The following CFAP47 variants were observed in gnomAD, a reference collection of about 807,000 sequenced individuals.
CFAP47 encodes the protein cilia and flagella associated protein 47.
CFAP47 carries 29 observed loss-of-function variants against 148.1 expected under a neutral mutation model. The ratio of observed to expected loss-of-function variants is 0.20; its 90% CI spans 0.15 to 0.27. The LOEUF is 0.27. Ranked by LOEUF, CFAP47 falls within the 10% of genes least tolerant of loss-of-function variation. The pLI is 1.00. For missense variants in CFAP47, 1,872 were observed against 1,697.5 expected (o/e 1.10, Z -1.81); for synonymous variants, 664 against 577.3 (o/e 1.15, Z -2.15).
chrX:35,980,610 T>G (rs773071681), intron 15 of CFAP47, among the ~76,000 whole-genome samples: 1 of 111,856 alleles, frequency 8.9e-6, no homozygotes, highest in South Asian at 3.7e-4. Flanking sequence ...TTATTTTTTT[T>G]TACCCTTTAT....
chrX:35,937,104 GTTTTTTTTTTTT>G lies in CFAP47; in HGVS notation c.402-4161_402-4150del, dbSNP rs377601530. Among the ~76,000 whole-genome samples, 309 of 55,538 alleles carry G rather than the reference GTTTTTTTTTTTT, an allele frequency of 5.6e-3. 2 individuals carry two copies. The highest frequency in any genetic ancestry group is 0.016 in the African/African-American group (256 of 15,707). The allele number at this position is 55,538 out of a possible 115,157, so 48.2% of individuals were successfully genotyped here. ...TCAGATATAGCTGCTTGCAATTGCT[GTTTTTTTTTTTT>G]TTTTTTTTTTTTTTTTTCCTGGTTT... On this transcript the variant is annotated intron_variant, in intron 2 of 63. Transcript: ENST00000378653.
In CFAP47 at chrX:36,239,854, G is replaced by A. The variant is rs1940519514; in HGVS notation, c.7332+2995G>A. Among the ~76,000 whole-genome samples, 3 of 111,714 alleles carry A rather than the reference G, an allele frequency of 2.7e-5. No individual in the cohort carries two copies. The South Asian group carries it at 1.1e-3, about 41-fold the overall frequency. The stretch of plus-strand genomic sequence containing the variant: ...GGCTGATACAGACACTGTGAGAGCT[G>A]AAAATTAAGGCTAAATCAGAGTTTT... On this transcript the variant is annotated intron_variant, in intron 48 of 63. Coordinates refer to ENST00000378653, the MANE Select transcript of CFAP47 (RefSeq NM_001304548.2).
chrX:36,224,263 A>AT (rs369935704), intron 45 of CFAP47, among the ~76,000 whole-genome samples: 1 of 110,901 alleles, frequency 9.0e-6, no homozygotes, highest in African/African-American at 3.3e-5. Flanking sequence ...GGAAAAAAAA[A>AT]GAAGTTGAGT....
chrX:36,022,269 T>A (rs1251742987), intron 22 of CFAP47, among the ~76,000 whole-genome samples: 8 of 111,884 alleles, frequency 7.2e-5, no homozygotes, highest in Admixed American at 1.9e-4. Flanking sequence ...GCTAAAAGTT[T>A]TTTTTCTTCA....
chrX:36,206,666 G>T lies in CFAP47; in HGVS notation c.6817+1556G>T, dbSNP rs1306061330. 2.9e-4 allele frequency among the ~76,000 whole-genome samples: 32 copies of T among 111,623 alleles called. No individual in the cohort carries two copies. The Admixed American group carries it at 3.0e-3, about 11-fold the overall frequency. ...ACAGCATAGAATTGACTTAAAACTT[G>T]AAGTATAGCCTTATTAAACACTCAT... On this transcript the variant is annotated intron_variant, in intron 45 of 63. Transcript: ENST00000378653.
intron 40 of CFAP47, among the ~76,000 whole-genome samples, chrX:36,187,668 A>G (rs781787590): frequency 7.2e-5 from 8 of 111,595 alleles, no homozygotes; most frequent in African/African-American, 2.3e-4. Context: ...TTAAAAAGGT[A>G]TTACCTTTTT....
At chrX:36,271,337 T>C (rs1294310752) in intron 49 of CFAP47, among the ~76,000 whole-genome samples, 3 of 111,631 alleles carry the variant, frequency 2.7e-5, no homozygotes, top group Non-Finnish European at 5.7e-5. Context: ...AGATTTTCCT[T>C]ACAGTACGTC....
chrX:36,027,540 C>A (rs1013970871), intron 22 of CFAP47, among the ~76,000 whole-genome samples: 1 of 110,597 alleles, frequency 9.0e-6, no homozygotes, highest in Non-Finnish European at 1.9e-5. Flanking sequence ...TGGCTGAGTA[C>A]TATTCCATGG....
chrX:36,311,761 G>A (rs2146963799), intron 56 of CFAP47, among the ~76,000 whole-genome samples: 1 of 110,893 alleles, frequency 9.0e-6, no homozygotes, highest in South Asian at 3.7e-4. Context: ...AACTGTGTAA[G>A]CCCTGAGTAA....
chrX:36,293,532 CAGAG>C (rs1941212783), intron 51 of CFAP47, among the ~76,000 whole-genome samples: 1 of 111,738 alleles, frequency 8.9e-6, no homozygotes, highest in Admixed American at 9.5e-5. Flanking sequence ...AAAAAGAAAG[CAGAG>C]AGAAGAGAAT....
chrX:36,234,946 G>C (rs910135114), intron 46 of CFAP47, among the ~76,000 whole-genome samples: 1 of 111,479 alleles, frequency 9.0e-6, no homozygotes, highest in Non-Finnish European at 1.9e-5. Flanking sequence ...CGTGAACTGC[G>C]AATGCTGCTG....
chrX:35,933,536 A>G (rs564833831), intron 2 of CFAP47, among the ~76,000 whole-genome samples: 12 of 112,273 alleles, frequency 1.1e-4, no homozygotes, highest in African/African-American at 3.6e-4. Flanking sequence ...ACGAGAGTGC[A>G]GATATCCCTT....
At chrX:36,003,581 T>A (rs188282844) in intron 21 of CFAP47, among the ~76,000 whole-genome samples, 3,007 of 109,809 alleles carry the variant, frequency 0.027, 69 homozygotes, top group Admixed American at 0.1. Flanking sequence ...GCATTTTTTT[T>A]TAAAAAATAT....
chrX:36,262,355 CT>C (rs1432284026), intron 49 of CFAP47, among the ~76,000 whole-genome samples: 1 of 111,171 alleles, frequency 9.0e-6, no homozygotes, highest in Non-Finnish European at 1.9e-5. Context: ...CCATTCCTAC[CT>C]CCCACCAACC....
At chrX:36,031,484 C>T (rs1034190902) in intron 23 of CFAP47, 137 bp downstream of exon 23, 188 of 249,878 alleles carry the variant, frequency 7.5e-4, no homozygotes, top group African/African-American at 5.0e-3. Flanking sequence ...TTATGCTCTT[C>T]GGAGCAAGAA....
intron 25 of CFAP47, among the ~76,000 whole-genome samples, chrX:36,046,285 T>A (rs2146732806): frequency 9.0e-6 from 1 of 110,579 alleles, no homozygotes; most frequent in African/African-American, 3.2e-5. Context: ...TTAATACATA[T>A]TTTTATATTA....
At chrX:36,136,493 T>A (rs1178600766) in intron 33 of CFAP47, among the ~76,000 whole-genome samples, 1 of 110,690 alleles carries the variant, frequency 9.0e-6, no homozygotes, top group African/African-American at 3.3e-5. Context: ...AAATATTAAC[T>A]ACAAAAGTGA....
At chrX:36,060,908 C>T (rs972304501) in intron 26 of CFAP47, among the ~76,000 whole-genome samples, 4 of 111,513 alleles carry the variant, frequency 3.6e-5, no homozygotes, top group Non-Finnish European at 7.5e-5. Context: ...GTGACAATCA[C>T]ATTATAATAA....
chrX:36,128,027 C>T (rs538024447), intron 33 of CFAP47, among the ~76,000 whole-genome samples: 23 of 111,028 alleles, frequency 2.1e-4, no homozygotes, highest in African/African-American at 7.5e-4. Flanking sequence ...TGTAGAATCA[C>T]GTCATCTGCA....
Sources: gnomAD v4.1 joint callset for allele counts (sites outside exome capture counted in the v4.1 genomes callset) on GRCh38, gnomAD v4.1.1 for gene constraint, MANE v1.5 for transcripts, NCBI Gene and HGNC (gene_info 2026-07-23, HGNC 2026-07-21) for gene names.